The following PACRG variants were observed in gnomAD, a reference collection of about 807,000 sequenced individuals.
PACRG encodes parkin coregulated.
Under a neutral mutation model 29.7 loss-of-function variants are expected in PACRG, and 29 were observed. That is an observed-to-expected ratio of 0.98 (90% CI 0.73 to 1.33). The LOEUF (loss-of-function observed/expected upper bound fraction) is 1.33. Among genes scored for constraint, PACRG ranks in the 40% most tolerant of loss-of-function variants. PACRG has a pLI of 0.00. For synonymous variants in PACRG, 116 were observed against 118.7 expected, an observed-to-expected ratio of 0.98 and a Z score of 0.15; for missense variants, 279 against 316.2, an observed-to-expected ratio of 0.88 and a Z score of 0.89.
chr6:162,955,605 C>T (rs947213264), intron 2 of PACRG, among the ~76,000 whole-genome samples: 1 of 152,146 alleles, frequency 6.6e-6, no homozygotes, highest in Admixed American at 6.5e-5. Context: ...AGCCCAAAAT[C>T]TGTTTTAATG....
At chr6:162,875,087 A>G (rs1793191243) in intron 2 of PACRG, among the ~76,000 whole-genome samples, 1 of 152,140 alleles carries the variant, frequency 6.6e-6, no homozygotes, top group South Asian at 2.1e-4. Context: ...ACATTCATTC[A>G]TGTGCTCACA....
chr6:163,266,018 G>A (rs540841538), intron 4 of PACRG, among the ~76,000 whole-genome samples: 2 of 152,226 alleles, frequency 1.3e-5, no homozygotes, highest in Non-Finnish European at 2.9e-5. Context: ...CTTCTCATAA[G>A]ACAAATAGTA....
chr6:162,758,279 A>G (rs914909013), intron 1 of PACRG, among the ~76,000 whole-genome samples: 2 of 152,138 alleles, frequency 1.3e-5, no homozygotes, highest in African/African-American at 2.4e-5. Flanking sequence ...AGACTTTACA[A>G]GCTCTAGACT....
At chr6:163,189,787 A>G (rs1240235569) in intron 4 of PACRG, 1 of 152,230 alleles carries the variant, frequency 6.6e-6, no homozygotes, top group East Asian at 1.9e-4. Flanking sequence ...GCCCAGTGCC[A>G]TGCGCCTGAT....
chr6:162,894,648 A>G (rs1467347010), intron 2 of PACRG, among the ~76,000 whole-genome samples: 5 of 152,178 alleles, frequency 3.3e-5, no homozygotes, highest in Non-Finnish European at 5.9e-5. Flanking sequence ...ATTGCATGTT[A>G]TTATGCAATT....
chr6:162,785,835 G>A (rs1200571960), intron 1 of PACRG, among the ~76,000 whole-genome samples: 4 of 152,296 alleles, frequency 2.6e-5, no homozygotes, highest in East Asian at 1.9e-4. Context: ...CACTAGCGGT[G>A]AGCAGCCCAG....
intron 2 of PACRG, among the ~76,000 whole-genome samples, chr6:162,926,405 C>T (rs538302837): frequency 2.0e-5 from 3 of 152,256 alleles, no homozygotes; most frequent in South Asian, 4.1e-4. Context: ...TCAAACTATA[C>T]TGCAAGGCTA....
chr6:162,879,433 C>T (rs2128010168), intron 2 of PACRG, among the ~76,000 whole-genome samples: 1 of 152,322 alleles, frequency 6.6e-6, no homozygotes, highest in Non-Finnish European at 1.5e-5. Context: ...GCCTGGTATT[C>T]ATGACTCTGT....
intron 2 of PACRG, among the ~76,000 whole-genome samples, chr6:163,018,532 AT>A (rs1286314360): frequency 4.6e-5 from 7 of 151,992 alleles, no homozygotes; most frequent in East Asian, 1.9e-4. Context: ...TTTGGCTCAA[AT>A]TTTTTTTCCT....
At chr6:162,943,283 G>A (rs1798758475) in intron 2 of PACRG, among the ~76,000 whole-genome samples, 1 of 152,130 alleles carries the variant, frequency 6.6e-6, no homozygotes, top group African/African-American at 2.4e-5. Context: ...TTACATCCCT[G>A]AGGCCCATTG....
intron 4 of PACRG, among the ~76,000 whole-genome samples, chr6:163,226,416 A>G (rs1781799958): frequency 6.6e-6 from 1 of 152,254 alleles, no homozygotes; most frequent in Non-Finnish European, 1.5e-5. Context: ...TGATGTAATC[A>G]TCCCACAGGG....
At chr6:162,947,583 C>T (rs1165596010) in intron 2 of PACRG, among the ~76,000 whole-genome samples, 1 of 42,052 alleles carries the variant, frequency 2.4e-5, no homozygotes, top group Non-Finnish European at 4.1e-5. Context: ...CATATATAAT[C>T]ATATATATAA....
chr6:162,897,341 G>A (rs566148323), intron 2 of PACRG, among the ~76,000 whole-genome samples: 46 of 152,238 alleles, frequency 3.0e-4, no homozygotes, highest in Non-Finnish European at 5.7e-4. Context: ...TCATAGTTTC[G>A]TATTCTTTTT....
At chr6:162,996,754 C>G (rs1271135242) in intron 2 of PACRG, among the ~76,000 whole-genome samples, 1 of 152,152 alleles carries the variant, frequency 6.6e-6, no homozygotes, top group African/African-American at 2.4e-5. Flanking sequence ...ACTGTCTCAA[C>G]TCTTGTTAGT....
At chr6:163,246,588 C>T (rs1195877682) in intron 4 of PACRG, among the ~76,000 whole-genome samples, 1 of 152,172 alleles carries the variant, frequency 6.6e-6, no homozygotes, top group East Asian at 1.9e-4. Context: ...CATGTGAGAA[C>T]AGGGGCTCTG....
intron 1 of PACRG, among the ~76,000 whole-genome samples, chr6:162,744,816 A>G (rs377225843): frequency 6.6e-6 from 1 of 152,194 alleles, no homozygotes; most frequent in East Asian, 1.9e-4. Flanking sequence ...GATTTTGATC[A>G]GTAAGTAGAA....
intron 4 of PACRG, among the ~76,000 whole-genome samples, chr6:163,154,254 G>A (rs1305069800): frequency 6.6e-6 from 1 of 152,200 alleles, no homozygotes; most frequent in African/African-American, 2.4e-5. Context: ...CCTAGGATGT[G>A]GCTATAAAAG....
rs542760438 is a variant in PACRG at position 162,818,583 on chromosome 6, A to ACC, written c.291+4303_291+4304dup. ...TCGAGAGAAAGAGATGAAGATAAAT[A>ACC]CCTGAGGCACTGTTAATTTTTAGAA... On this transcript the variant is annotated intron_variant, in intron 2 of 4. Coordinates refer to ENST00000366888, the MANE Select transcript of PACRG (RefSeq NM_001080379.2). Among the ~76,000 whole-genome samples, 9 of 152,298 alleles carry ACC rather than the reference A, an allele frequency of 5.9e-5. No homozygotes were observed. In the South Asian group the frequency reaches 1.9e-3, roughly 32 times the overall value.
At chr6:162,945,998 G>A (rs1444789173) in intron 2 of PACRG, among the ~76,000 whole-genome samples, 2 of 152,042 alleles carry the variant, frequency 1.3e-5, no homozygotes, top group East Asian at 3.8e-4. Context: ...AAAGCTATGG[G>A]ATACAGCAAA....
Sources: gnomAD v4.1 joint callset for allele counts (sites outside exome capture counted in the v4.1 genomes callset) on GRCh38, gnomAD v4.1.1 for gene constraint, MANE v1.5 for transcripts, NCBI Gene and HGNC (gene_info 2026-07-23, HGNC 2026-07-21) for gene names.